Variants in CHD2 observed in about 807,000 individuals in gnomAD.
CHD2 encodes the protein chromodomain helicase DNA binding protein 2.
Under a neutral mutation model 243.9 loss-of-function variants are expected in CHD2, and 28 were observed. That is an observed-to-expected ratio of 0.11 (90% CI 0.09 to 0.16). The LOEUF (loss-of-function observed/expected upper bound fraction) is 0.16, where lower values mean the gene tolerates loss of function less well. Ranked by LOEUF, CHD2 falls within the 10% of genes least tolerant of loss-of-function variation. The pLI, the probability that CHD2 is intolerant of heterozygous loss-of-function variation, is 1.00. For missense variants in CHD2, 1,386 were observed against 2,209.8 expected (o/e 0.63, Z 7.47); for synonymous variants, 775 against 779.0 (o/e 0.99, Z 0.09).
chr15:92,974,671 T>G, intron 19 of CHD2: 1 of 470,778 alleles, frequency 2.1e-6, no homozygotes, highest in Non-Finnish European at 3.9e-6. Context: ...ATCAGAAGCT[T>G]GTAACCTTGA....
chr15:92,922,297 C>T (rs989115570), intron 2 of CHD2, among the ~76,000 whole-genome samples: 1 of 152,088 alleles, frequency 6.6e-6, no homozygotes, highest in Non-Finnish European at 1.5e-5. Context: ...ATAATAATGC[C>T]TAATAGTATT....
At chr15:92,989,025 C>CTTTTTTTTTTTTTTTTTTTTTTTTT (rs34298248) in intron 26 of CHD2, among the ~76,000 whole-genome samples, 1 of 76,514 alleles carries the variant, frequency 1.3e-5, no homozygotes, top group African/African-American at 5.1e-5. Context: ...ATACTTCATA[C>CTTTTTTTTTTTTTTTTTTTTTTTTT]TTTTTTTTTT....
At chr15:92,995,450 G>T (rs889560724) in intron 28 of CHD2, among the ~76,000 whole-genome samples, 3 of 151,362 alleles carry the variant, frequency 2.0e-5, no homozygotes, top group African/African-American at 7.3e-5. Flanking sequence ...TTAGTTGTAA[G>T]TTTATCTTTG....
rs2052512179 is a variant in CHD2, at chr15:92,900,361, T to C, written c.-535T>C. 1 of 389,648 alleles carries C rather than the reference T, an allele frequency of 2.6e-6. No individual in the cohort carries two copies. Among genetic ancestry groups the C allele is most frequent in the African/African-American group, 2.1e-5 (1 of 48,408 alleles). The allele number at this position is 389,648 out of a possible 1,614,324, so 24.1% of individuals were successfully genotyped here. A position where few individuals can be genotyped will look rare whatever the true frequency, so the allele number is the denominator to read the frequency against. On this transcript the variant is annotated 5_prime_UTR_variant, in exon 1 of 39. The change abolishes the stop of an existing upstream ORF in the 5' untranslated region. Coordinates refer to ENST00000394196, the MANE Select transcript of CHD2 (RefSeq NM_001271.4). ...GAGGCTCTAGATGGCGGCTGTGCCT[T>C]AGAGAGAGCGCGCTCTGCTCCCTGC...
intron 2 of CHD2, 103 bp downstream of exon 2, chr15:92,901,402 T>G: frequency 1.4e-6 from 1 of 729,872 alleles, no homozygotes; most frequent in Non-Finnish European, 2.4e-6. Context: ...TCTGTTTTAT[T>G]GTGTTTTTCT....
chr15:92,969,624 T>C (rs1316633472), intron 17 of CHD2, among the ~76,000 whole-genome samples: 1 of 152,160 alleles, frequency 6.6e-6, no homozygotes, highest in African/African-American at 2.4e-5. Context: ...TGGACAGAAT[T>C]GGGAAATTTG....
chr15:92,911,176 C>G (rs916766719), intron 2 of CHD2, among the ~76,000 whole-genome samples: 18 of 152,134 alleles, frequency 1.2e-4, no homozygotes, highest in African/African-American at 4.3e-4. Flanking sequence ...GAGATTGTTT[C>G]AGTGAAAACT....
chr15:92,985,687 C>CTGT lies in CHD2; in HGVS notation c.3413+16_3413+18dup. 1 of 1,602,622 alleles carries CTGT rather than the reference C, an allele frequency of 6.2e-7. No homozygotes were observed. The highest frequency in any genetic ancestry group is 1.7e-4 in the Middle Eastern group (1 of 6,038). ...AGAGATCCGAAGGTTGGTGGAGGCT[C>CTGT]TGTTCTCACTGAGCTTGTTTGAAAG... is the stretch of plus-strand genomic sequence containing the variant. On this transcript the variant is annotated intron_variant, in intron 26 of 38. Coordinates refer to ENST00000394196, the MANE Select transcript of CHD2 (RefSeq NM_001271.4).
intron 38 of CHD2, among the ~76,000 whole-genome samples, chr15:93,022,908 G>A (rs2141758747): frequency 6.6e-6 from 1 of 152,284 alleles, no homozygotes; most frequent in South Asian, 2.1e-4. Context: ...GAAAACCACT[G>A]TTCTATGCAT....
chr15:92,943,189 C>T (rs2053409513), intron 9 of CHD2, 121 bp downstream of exon 9: 1 of 710,670 alleles, frequency 1.4e-6, no homozygotes, highest in South Asian at 1.9e-5. Context: ...ATCATCTAAA[C>T]ATGGAGCCAT....
chr15:92,913,729 A>G (rs374918695), intron 2 of CHD2, among the ~76,000 whole-genome samples: 2 of 152,096 alleles, frequency 1.3e-5, no homozygotes, highest in African/African-American at 2.4e-5. Flanking sequence ...GTATGCACCT[A>G]TAGTCCCAGC....
At chr15:92,938,555 C>A (rs2053305073) in intron 6 of CHD2, among the ~76,000 whole-genome samples, 1 of 152,146 alleles carries the variant, frequency 6.6e-6, no homozygotes, top group African/African-American at 2.4e-5. Context: ...GGGAATTTGT[C>A]AACTGAATTT....
intron 2 of CHD2, chr15:92,904,857 A>G (rs1003185210): frequency 2.8e-5 from 42 of 1,525,488 alleles, no homozygotes; most frequent in Middle Eastern, 1.7e-4. Context: ...AGAGGCGGAT[A>G]CTTTTATTTT....
At chr15:93,007,753 G>A (rs1040045777) in intron 34 of CHD2, among the ~76,000 whole-genome samples, 1 of 152,132 alleles carries the variant, frequency 6.6e-6, no homozygotes, top group South Asian at 2.1e-4. Context: ...TTTGGATATC[G>A]AATTCTGGAT....
intron 17 of CHD2, among the ~76,000 whole-genome samples, chr15:92,970,341 A>C (rs1196981698): frequency 1.3e-5 from 2 of 152,060 alleles, no homozygotes; most frequent in Non-Finnish European, 2.9e-5. Context: ...AGCTGGGATT[A>C]CAGGCATGCA....
At chr15:92,944,330 T>G in intron 9 of CHD2, 85 bp from the exon 10 acceptor site, 1 of 668,502 alleles carries the variant, frequency 1.5e-6, no homozygotes, top group South Asian at 2.3e-5. Flanking sequence ...ATAGGTTTTC[T>G]TTTCCACCTT....
chr15:92,907,595 G>T (rs1422017510), intron 2 of CHD2, among the ~76,000 whole-genome samples: 1 of 152,124 alleles, frequency 6.6e-6, no homozygotes, highest in Admixed American at 6.5e-5. Context: ...GAAAATTTTT[G>T]TTCCCAGTTT....
At chr15:92,921,117 T>C (rs1371096385) in intron 2 of CHD2, among the ~76,000 whole-genome samples, 2 of 152,076 alleles carry the variant, frequency 1.3e-5, no homozygotes, top group African/African-American at 2.4e-5. Context: ...CTGTGACATA[T>C]GTCAGTATTG....
chr15:92,933,896 G>C (rs984877421), intron 5 of CHD2, among the ~76,000 whole-genome samples: 1 of 152,188 alleles, frequency 6.6e-6, no homozygotes, highest in Non-Finnish European at 1.5e-5. Context: ...ATGAGCCACT[G>C]TGCCCGGCCC....
Sources: allele counts gnomAD v4.1 joint callset (sites outside exome capture counted in the v4.1 genomes callset), GRCh38; gene constraint gnomAD v4.1.1; transcripts MANE v1.5; gene names NCBI Gene and HGNC (gene_info 2026-07-23, HGNC 2026-07-21).